The following FREM1 variants were observed in gnomAD, a reference collection of about 807,000 sequenced individuals.
The protein encoded by FREM1 is FRAS1 related extracellular matrix 1.
FREM1 carries 220 observed loss-of-function variants against 210.1 expected under a neutral mutation model. The ratio of observed to expected loss-of-function variants is 1.05; its 90% confidence interval spans 0.94 to 1.17. The LOEUF (loss-of-function observed/expected upper bound fraction) is 1.17. Ranked by LOEUF, FREM1 falls within the 50% of genes most tolerant of loss-of-function variation. FREM1 has a pLI of 0.00. For synonymous variants in FREM1, 1,189 were observed against 980.2 expected (o/e 1.21, Z -3.98); for missense variants, 3,454 against 2,675.5 (o/e 1.29, Z -6.42).
intron 13 of FREM1, among the ~76,000 whole-genome samples, 176 bp downstream of exon 13, chr9:14,822,984 A>C (rs1393277394): frequency 6.6e-6 from 1 of 152,214 alleles, no homozygotes; most frequent in African/African-American, 2.4e-5. Context: ...GTCCCATGGG[A>C]GTAAAAGACT....
intron 1 of FREM1, among the ~76,000 whole-genome samples, chr9:14,876,951 A>G (rs1833874319): frequency 6.6e-6 from 1 of 152,114 alleles, no homozygotes; most frequent in Admixed American, 6.5e-5. Flanking sequence ...GTCTCCCAAA[A>G]CTGGGAGGTA....
intron 1 of FREM1, among the ~76,000 whole-genome samples, chr9:14,903,089 C>T (rs577993002): frequency 6.6e-6 from 1 of 152,298 alleles, no homozygotes; most frequent in East Asian, 1.9e-4. Context: ...CCAGCAGCAG[C>T]TTTTTTTGAT....
intron 13 of FREM1, among the ~76,000 whole-genome samples, chr9:14,820,603 C>T (rs775843817): frequency 2.0e-5 from 3 of 152,244 alleles, no homozygotes; most frequent in Admixed American, 6.5e-5. Context: ...CTGGTACCAA[C>T]TCCAGGCCAC....
At chr9:14,879,771 T>C (rs1834452840) in intron 1 of FREM1, among the ~76,000 whole-genome samples, 2 of 152,226 alleles carry the variant, frequency 1.3e-5, no homozygotes, top group African/African-American at 2.4e-5. Context: ...GCTGCATCTA[T>C]GTATATGCAT....
chr9:14,860,571 A>ATGTGTGTATATATATGTG (rs1564098947), intron 3 of FREM1, among the ~76,000 whole-genome samples: 6 of 127,910 alleles, frequency 4.7e-5, no homozygotes, highest in Admixed American at 1.6e-4. Context: ...ATATATATAC[A>ATGTGTGTATATATATGTG]CATATATATA....
intron 10 of FREM1, among the ~76,000 whole-genome samples, chr9:14,826,658 T>C (rs1265634631): frequency 6.6e-6 from 1 of 152,228 alleles, no homozygotes; most frequent in East Asian, 1.9e-4. Flanking sequence ...TAATTTCCAA[T>C]ACAAGATTAG....
At chr9:14,835,969 A>G (rs944876919) in intron 10 of FREM1, among the ~76,000 whole-genome samples, 8 of 152,102 alleles carry the variant, frequency 5.3e-5, no homozygotes, top group Non-Finnish European at 1.2e-4. Flanking sequence ...TGCAGCTTGG[A>G]AAAAAGAAAA....
chr9:14,811,441 T>C (rs1819386935), intron 16 of FREM1, among the ~76,000 whole-genome samples: 1 of 152,168 alleles, frequency 6.6e-6, no homozygotes, highest in Non-Finnish European at 1.5e-5. Flanking sequence ...TCATTGGTCT[T>C]TGGATCCCTT....
At chr9:14,878,699 A>G (rs904936420) in intron 1 of FREM1, among the ~76,000 whole-genome samples, 8 of 152,176 alleles carry the variant, frequency 5.3e-5, no homozygotes, top group Admixed American at 1.3e-4. Flanking sequence ...GTTAATTTCT[A>G]TATTTTTTAC....
chr9:14,765,881 G>A lies in FREM1; in HGVS notation c.5204+3843C>T, dbSNP rs909391393. ...CAGTGGGCACAAGAAAGAGGTCCACGTAGAAGCTGTATTAGGAAAACAACT... is the reference window on the plus strand; with the variant it reads ...CAGTGGGCACAAGAAAGAGGTCCACATAGAAGCTGTATTAGGAAAACAACT... On this transcript the variant is annotated intron_variant, in intron 27 of 36. Transcript: ENST00000380880. Among the ~76,000 whole-genome samples, 12 of 152,188 alleles carry A rather than the reference G, an allele frequency of 7.9e-5. 1 individual carries two copies. The highest frequency in any genetic ancestry group is 7.2e-4 in the Admixed American group (11 of 15,272).
rs1554708100 is a variant in FREM1, at chr9:14,861,028, T to TAC, written c.330-1546_330-1545dup. ...ACATATATACATATATACACATATA[T>TAC]ACATATATACATATATACATATATA... On this transcript the variant is annotated intron_variant, in intron 3 of 36. Transcript: ENST00000380880. 7.8e-5 allele frequency among the ~76,000 whole-genome samples: 5 copies of TAC among 64,114 alleles called. 1 individual carries two copies. Among genetic ancestry groups the TAC allele is most frequent in the African/African-American group, 3.6e-4 (5 of 13,742 alleles). The allele number at this position is 64,114 out of a possible 152,430, so 42.1% of individuals were successfully genotyped here.
intron 28 of FREM1, 49 bp from the exon 29 acceptor site, chr9:14,756,495 A>C: frequency 1.5e-6 from 2 of 1,317,282 alleles, no homozygotes; most frequent in Non-Finnish European, 1.1e-6. Context: ...AATATTCTAC[A>C]ATAGAGAAAC....
At chr9:14,812,233 C>A (rs1819529355) in intron 16 of FREM1, among the ~76,000 whole-genome samples, 1 of 152,182 alleles carries the variant, frequency 6.6e-6, no homozygotes, top group African/African-American at 2.4e-5. Flanking sequence ...ACAAATGCCA[C>A]CTGGGTGACA....
At chr9:14,779,803 C>G (rs1234774650) in intron 24 of FREM1, among the ~76,000 whole-genome samples, 4 of 152,160 alleles carry the variant, frequency 2.6e-5, no homozygotes, top group African/African-American at 7.2e-5. Context: ...TCTGGGACAC[C>G]AAGGCAGCTG....
In FREM1 at chr9:14,823,321, C is replaced by G; in HGVS notation, c.2176G>C (p.Val726Leu). Residue 726 changes from valine to leucine, a missense_variant, in exon 13 of 37, where the codon GTG (valine) becomes CTG (leucine). Transcript: ENST00000380880. ...LELRSFTQHA[V>L]NYMKVAYMPP... ...ATGTAGGCCACTTTCATATAGTTCA[C>G]AGCATGCTGCAAAGTAAGTTGAGAT... 1 of 1,612,770 alleles carries G rather than the reference C, an allele frequency of 6.2e-7. No homozygotes were observed. Among genetic ancestry groups the G allele is most frequent in the Non-Finnish European group, 8.5e-7 (1 of 1,179,130 alleles).
chr9:14,837,438 T>C (rs1433568283), intron 10 of FREM1, among the ~76,000 whole-genome samples: 1 of 149,398 alleles, frequency 6.7e-6, no homozygotes, highest in African/African-American at 2.5e-5. Context: ...CTCCACTCCT[T>C]AAAACCACAC....
intron 10 of FREM1, among the ~76,000 whole-genome samples, chr9:14,829,141 A>AAT (rs1221615769): frequency 9.2e-5 from 14 of 152,304 alleles, no homozygotes; most frequent in Admixed American, 7.2e-4. Flanking sequence ...GAGGCACTTT[A>AAT]TTAATGTTTG....
intron 36 of FREM1, among the ~76,000 whole-genome samples, chr9:14,738,534 C>T (rs1840826495): frequency 6.6e-6 from 1 of 152,150 alleles, no homozygotes; most frequent in African/African-American, 2.4e-5. Context: ...ACTTATCCTC[C>T]AGCTTGTCTC....
intron 8 of FREM1, among the ~76,000 whole-genome samples, 166 bp from the exon 9 acceptor site, chr9:14,842,826 A>C (rs1339801703): frequency 6.6e-6 from 1 of 152,206 alleles, no homozygotes; most frequent in African/African-American, 2.4e-5. Context: ...GAACATATCT[A>C]GTTTTGAATA....
Sources: gnomAD v4.1 joint callset for allele counts (sites outside exome capture counted in the v4.1 genomes callset) on GRCh38, gnomAD v4.1.1 for gene constraint, MANE v1.5 for transcripts, NCBI Gene and HGNC (gene_info 2026-07-23, HGNC 2026-07-21) for gene names.